The following KIRREL3 variants were observed in gnomAD, a reference collection of about 807,000 sequenced individuals.
KIRREL3 encodes kin of IRRE-like protein 3.
Under a neutral mutation model 89.7 loss-of-function variants are expected in KIRREL3, and 36 were observed. The observed-to-expected ratio is 0.40, with a 90% CI of 0.31 to 0.53. The LOEUF (loss-of-function observed/expected upper bound fraction) is 0.53. KIRREL3 is among the 20% of genes least tolerant of loss of function. The probability of loss-of-function intolerance (pLI) is 0.49; values close to 1 mark genes in which losing one functional copy is unlikely to be tolerated. For missense variants in KIRREL3, 864 were observed against 1,056.6 expected (o/e 0.82, Z 2.53); for synonymous variants, 445 against 441.4 (o/e 1.01, Z -0.10).
At position 126,486,161 on chromosome 11, in the gene KIRREL3, G is replaced by A. The variant is rs960131635; in HGVS notation, c.434-12695C>T. ...AGGGAGGTGGGTAGAGAAGGGAGCT[G>A]CAGTGATTTGCACTCAAGCAGACCA... On this transcript the variant is annotated intron_variant, in intron 4 of 16. Transcript: ENST00000525144. The surrounding 1 kb of genome is among the most constrained non-coding windows in gnomAD (Gnocchi z 6.2). Among the ~76,000 whole-genome samples, 2 of 152,182 alleles carry A rather than the reference G, an allele frequency of 1.3e-5. No homozygotes were observed. Among genetic ancestry groups the A allele is most frequent in the African/African-American group, 4.8e-5 (2 of 41,448 alleles).
intron 1 of KIRREL3, among the ~76,000 whole-genome samples, chr11:126,832,677 A>C (rs935498192): frequency 1.3e-5 from 2 of 152,314 alleles, no homozygotes; most frequent in Middle Eastern, 3.4e-3. Context: ...CTGCTCTCAG[A>C]AATGGCCTTG....
Position 126,610,238 on chromosome 11 carries a change from G to T in KIRREL3, c.56-47326C>A, listed in dbSNP as rs975221561. ...GCCGAGTGGCTGGGATTACAGGCAT[G>T]CACCACCACGCCTGGCTAATTTTTG... On this transcript the variant is annotated intron_variant, in intron 1 of 16. Coordinates refer to ENST00000525144, the MANE Select transcript of KIRREL3 (RefSeq NM_032531.4). This position sits in a 1 kb window ranked among gnomAD's most constrained non-coding sequence, Gnocchi z 4.6. Among the ~76,000 whole-genome samples, 5 of 152,160 alleles carry T rather than the reference G, an allele frequency of 3.3e-5. No homozygotes were observed. Among genetic ancestry groups the T allele is most frequent in the East Asian group, 1.9e-4 (1 of 5,168 alleles).
At position 126,819,762 on chromosome 11, in the gene KIRREL3, A is replaced by G. The variant is rs183085979; in HGVS notation, c.55+180693T>C. Among the ~76,000 whole-genome samples the G allele has an allele frequency of 4.7e-4, 71 of 152,346 alleles. 1 individual carries two copies. Among genetic ancestry groups the G allele is most frequent in the Non-Finnish European group, 9.1e-4 (62 of 68,024 alleles). On this transcript the variant is annotated intron_variant, in intron 1 of 16. Transcript: ENST00000525144. ...GCAGATAATCTGCCAATGTACTTAT[A>G]GCCTTTTGCCAGACTCACTACCAAT...
At chr11:126,588,643 T>A (rs1941988919) in intron 1 of KIRREL3, among the ~76,000 whole-genome samples, 1 of 152,212 alleles carries the variant, frequency 6.6e-6, no homozygotes, top group Non-Finnish European at 1.5e-5. Context: ...GCATTGAACA[T>A]GCTGTAACAT....
chr11:126,474,860 T>A lies in KIRREL3; in HGVS notation c.434-1394A>T, dbSNP rs76896725. On this transcript the variant is annotated intron_variant, in intron 4 of 16. Transcript: ENST00000525144. The surrounding 1 kb of genome is among the most constrained non-coding windows in gnomAD (Gnocchi z 6.7). ...GAGAGGCCCAGAAATCTGAAGTACC[T>A]TGCCTAGGACACAGGGCCTTTCCCA... 2.0e-5 allele frequency among the ~76,000 whole-genome samples: 3 copies of A among 152,198 alleles called. No homozygotes were observed. The East Asian group carries it at 5.8e-4, about 29-fold the overall frequency.
At chr11:126,786,997 C>T (rs928085696) in intron 1 of KIRREL3, among the ~76,000 whole-genome samples, 1 of 152,214 alleles carries the variant, frequency 6.6e-6, no homozygotes, top group African/African-American at 2.4e-5. Context: ...GCTCTCTTCA[C>T]ACTCCCTTAT....
rs1740182863 is a variant in KIRREL3 at position 126,501,657 on chromosome 11, T to G, written c.433+19658A>C. Among the ~76,000 whole-genome samples, 1 of 152,190 alleles carries G rather than the reference T, an allele frequency of 6.6e-6. No individual in the cohort carries two copies. The highest frequency in any genetic ancestry group is 2.4e-5 in the African/African-American group (1 of 41,440). On this transcript the variant is annotated intron_variant, in intron 4 of 16. Transcript: ENST00000525144. This position sits in a 1 kb window ranked among gnomAD's most constrained non-coding sequence, Gnocchi z 5.8. The stretch of plus-strand genomic sequence containing the variant: ...TGCCCACTCATCTATGACAAATCAA[T>G]TAATTTGTCCAAATTCCACTCATGC...
intron 1 of KIRREL3, among the ~76,000 whole-genome samples, chr11:126,567,631 A>T (rs993376978): frequency 3.3e-5 from 5 of 152,100 alleles, no homozygotes; most frequent in Non-Finnish European, 7.4e-5. Flanking sequence ...TGCTAAGGAG[A>T]CCCCAGGGTG....
rs570998651 is a variant in KIRREL3, at chr11:126,501,321, T to C, written c.433+19994A>G. 9.8e-5 allele frequency among the ~76,000 whole-genome samples: 15 copies of C among 152,318 alleles called. 2 individuals carry two copies. Among genetic ancestry groups the C allele is most frequent in the African/African-American group, 3.6e-4 (15 of 41,582 alleles). ...GTAGTTCTAAAGCCTATTCATTTCC[T>C]CCATGTTCACATCTTTAAGAGGGGA... is the stretch of plus-strand genomic sequence containing the variant. On this transcript the variant is annotated intron_variant, in intron 4 of 16. Coordinates refer to ENST00000525144, the MANE Select transcript of KIRREL3 (RefSeq NM_032531.4). This position sits in a 1 kb window ranked among gnomAD's most constrained non-coding sequence, Gnocchi z 5.8.
At chr11:126,800,202 A>T (rs886770526) in intron 1 of KIRREL3, among the ~76,000 whole-genome samples, 1 of 152,192 alleles carries the variant, frequency 6.6e-6, no homozygotes, top group African/African-American at 2.4e-5. Flanking sequence ...AGACCAGCTG[A>T]AGACTAATTA....
chr11:126,949,931 C>A (rs1948730161), intron 1 of KIRREL3, among the ~76,000 whole-genome samples: 1 of 152,188 alleles, frequency 6.6e-6, no homozygotes. Context: ...AATAAATAAT[C>A]CAAGAAAATC....
At position 126,906,551 on chromosome 11, in the gene KIRREL3, C is replaced by A. The variant is rs946012215; in HGVS notation, c.55+93904G>T. Among the ~76,000 whole-genome samples the A allele has an allele frequency of 1.8e-4, 27 of 152,148 alleles. No homozygotes were observed. Among genetic ancestry groups the A allele is most frequent in the Middle Eastern group, 3.2e-3 (1 of 316 alleles). ...CCTCCAGCAGAGAAGTGGATAGGGA[C>A]CCCCCTGCCATGAAAAACAGCGTTG... On this transcript the variant is annotated intron_variant, in intron 1 of 16. Transcript: ENST00000525144. The surrounding 1 kb of genome is among the most constrained non-coding windows in gnomAD (Gnocchi z 4.1).
At chr11:126,711,778 T>C (rs1947764567) in intron 1 of KIRREL3, among the ~76,000 whole-genome samples, 1 of 152,198 alleles carries the variant, frequency 6.6e-6, no homozygotes, top group South Asian at 2.1e-4. Context: ...GTTCCCACTG[T>C]GCGAGGATGC....
intron 15 of KIRREL3, among the ~76,000 whole-genome samples, chr11:126,426,968 G>A (rs1954963962): frequency 6.6e-6 from 1 of 152,280 alleles, no homozygotes; most frequent in Non-Finnish European, 1.5e-5. Context: ...AAGGGAATGC[G>A]AGAATGACGA....
At position 126,710,524 on chromosome 11, in the gene KIRREL3, G is replaced by A. The variant is rs149558276; in HGVS notation, c.56-147612C>T. 1.3e-5 allele frequency among the ~76,000 whole-genome samples: 2 copies of A among 152,212 alleles called. No individual in the cohort carries two copies. The highest frequency in any genetic ancestry group is 1.9e-4 in the East Asian group (1 of 5,168). On this transcript the variant is annotated intron_variant, in intron 1 of 16. Coordinates refer to ENST00000525144, the MANE Select transcript of KIRREL3 (RefSeq NM_032531.4). The surrounding 1 kb of genome is among the most constrained non-coding windows in gnomAD (Gnocchi z 4.2). ...TACATTCTTTAAAGCTCCAGTTAAC[G>A]TGTATGCAGATGGGAGCTTGGAGGA...
At chr11:126,538,276 T>C (rs1938075831) in intron 2 of KIRREL3, among the ~76,000 whole-genome samples, 1 of 152,336 alleles carries the variant, frequency 6.6e-6, no homozygotes, top group East Asian at 1.9e-4. Flanking sequence ...TGGAGAAGGC[T>C]TAAGAATACT....
chr11:126,484,179 C>G lies in KIRREL3; in HGVS notation c.434-10713G>C, dbSNP rs981761347. On this transcript the variant is annotated intron_variant, in intron 4 of 16. Coordinates refer to ENST00000525144, the MANE Select transcript of KIRREL3 (RefSeq NM_032531.4). This position sits in a 1 kb window ranked among gnomAD's most constrained non-coding sequence, Gnocchi z 5.2. Reference sequence around the variant, plus strand: ...ACTGAATTAGAAGCCCCCTCCCCACCTGAGCACCTCTTACACTGGTCCTCA... The same window carrying G: ...ACTGAATTAGAAGCCCCCTCCCCACGTGAGCACCTCTTACACTGGTCCTCA... Among the ~76,000 whole-genome samples, 2 of 152,202 alleles carry G rather than the reference C, an allele frequency of 1.3e-5. No individual in the cohort carries two copies. Among genetic ancestry groups the G allele is most frequent in the African/African-American group, 4.8e-5 (2 of 41,452 alleles).
chr11:126,675,965 G>A (rs1438738290), intron 1 of KIRREL3, among the ~76,000 whole-genome samples: 2 of 152,136 alleles, frequency 1.3e-5, no homozygotes, highest in East Asian at 3.9e-4. Flanking sequence ...AGAGGGAGGT[G>A]TTGATGACTC....
Position 126,682,317 on chromosome 11 carries a change from G to A in KIRREL3, c.56-119405C>T, listed in dbSNP as rs1020020319. Among the ~76,000 whole-genome samples the A allele has an allele frequency of 2.2e-4, 33 of 152,246 alleles. No individual in the cohort carries two copies. Among genetic ancestry groups the A allele is most frequent in the Non-Finnish European group, 1.9e-4 (13 of 68,008 alleles). On this transcript the variant is annotated intron_variant, in intron 1 of 16. Transcript: ENST00000525144. This position sits in a 1 kb window ranked among gnomAD's most constrained non-coding sequence, Gnocchi z 4.8. ...CTTCTAGGTTAGAGTGGGTGACACT[G>A]AGCATGTAACTTAACCTCTCTGAAG...
Sources: gnomAD v4.1 joint callset for allele counts (sites outside exome capture counted in the v4.1 genomes callset) on GRCh38, gnomAD v4.1.1 for gene constraint, Gnocchi (gnomAD v3.1) non-coding constraint, MANE v1.5 for transcripts, NCBI Gene and HGNC (gene_info 2026-07-23, HGNC 2026-07-21) for gene names.